The following SYNE2 variants were observed in gnomAD, a reference collection of about 807,000 sequenced individuals.
The protein encoded by SYNE2 is spectrin repeat containing nuclear envelope protein 2.
In SYNE2, 431 loss-of-function variants were observed where a neutral mutation model predicts 856.3. The ratio of observed to expected loss-of-function variants is 0.50; its 90% CI spans 0.47 to 0.55. The LOEUF (loss-of-function observed/expected upper bound fraction) is 0.55. Among genes scored for constraint, SYNE2 ranks in the 20% least tolerant of loss-of-function variants. SYNE2 has a pLI of 0.00. For synonymous variants in SYNE2, 2,923 were observed against 2,872.3 expected, an observed-to-expected ratio of 1.02 and a Z score of -0.56; for missense variants, 8,129 against 8,023.2, an observed-to-expected ratio of 1.01 and a Z score of -0.50.
chr14:63,940,469 T>A (rs1400121016), intron 2 of SYNE2, 145 bp from the exon 3 acceptor site: 1 of 740,748 alleles, frequency 1.3e-6, no homozygotes, highest in African/African-American at 1.8e-5. Context: ...TGGACAAACA[T>A]CTACAGTTTA....
At chr14:64,086,749 A>C in intron 57 of SYNE2, among the ~76,000 whole-genome samples, 1 of 112,072 alleles carries the variant, frequency 8.9e-6, no homozygotes, top group African/African-American at 3.5e-5. Context: ...TTGCTCTGTC[A>C]CCCAGGCTGG....
intron 48 of SYNE2, among the ~76,000 whole-genome samples, chr14:64,053,964 G>C (rs1021099969): frequency 6.6e-6 from 1 of 152,096 alleles, no homozygotes; most frequent in Non-Finnish European, 1.5e-5. Flanking sequence ...GTGAGACTCT[G>C]TCTCAAAAAA....
At chr14:64,022,455 G>A (rs1220640839) in intron 37 of SYNE2, among the ~76,000 whole-genome samples, 4 of 152,070 alleles carry the variant, frequency 2.6e-5, no homozygotes, top group East Asian at 1.9e-4. Context: ...TAGGGAGGCC[G>A]GGCGCGGTAG....
At chr14:64,077,005 A>G (rs901271076) in intron 54 of SYNE2, among the ~76,000 whole-genome samples, 7 of 152,178 alleles carry the variant, frequency 4.6e-5, no homozygotes, top group African/African-American at 1.7e-4. Flanking sequence ...GGAAAATACT[A>G]AATATTTTGA....
rs777388448 is a variant in SYNE2, at chr14:64,021,523, C to T, written c.5352+8C>T. Reference sequence around the variant, plus strand: ...ATCTTCACTAAACTAGAGGTGCTACCGAGCTGCTTGTCTTCTGTGGTTCAG... The same window carrying T: ...ATCTTCACTAAACTAGAGGTGCTACTGAGCTGCTTGTCTTCTGTGGTTCAG... On this transcript the variant is annotated splice_region_variant and intron_variant, in intron 36 of 115. Coordinates refer to ENST00000555002, the MANE Select transcript of SYNE2 (RefSeq NM_182914.3). 5.0e-6 allele frequency: 8 copies of T among 1,613,724 alleles called. No individual in the cohort carries two copies. The highest frequency in any genetic ancestry group is 1.1e-5 in the South Asian group (1 of 91,052).
At chr14:63,874,744 T>C (rs1200823866) in intron 1 of SYNE2, among the ~76,000 whole-genome samples, 1 of 152,186 alleles carries the variant, frequency 6.6e-6, no homozygotes, top group African/African-American at 2.4e-5. Flanking sequence ...GATTTAGCAA[T>C]GTTTAAAAGT....
In SYNE2 at chr14:64,127,537, G is replaced by C. The variant is rs191067738; in HGVS notation, c.13917+730G>C. Among the ~76,000 whole-genome samples, 33 of 152,242 alleles carry C rather than the reference G, an allele frequency of 2.2e-4. 1 individual carries two copies. The highest frequency in any genetic ancestry group is 1.7e-3 in the Admixed American group (26 of 15,290). The stretch of plus-strand genomic sequence containing the variant: ...CATTTAACAATTAAAATGGTGGGGC[G>C]GGGGAGGCATTTGTTTTTGTTTTTC... On this transcript the variant is annotated intron_variant, in intron 73 of 115. Coordinates refer to ENST00000555002, the MANE Select transcript of SYNE2 (RefSeq NM_182914.3).
chr14:64,196,093 A>G (rs1382685148), intron 99 of SYNE2, among the ~76,000 whole-genome samples: 1 of 152,250 alleles, frequency 6.6e-6, no homozygotes, highest in African/African-American at 2.4e-5. Context: ...AGCAGGTTGC[A>G]GGAACAGCCA....
intron 21 of SYNE2, 68 bp downstream of exon 21, chr14:63,991,183 A>ATG: frequency 6.7e-7 from 1 of 1,481,932 alleles, no homozygotes; most frequent in Non-Finnish European, 9.4e-7. Flanking sequence ...TGAAATCAAG[A>ATG]TGTTTCCTTC....
intron 11 of SYNE2, among the ~76,000 whole-genome samples, chr14:63,975,986 A>G (rs1021699579): frequency 4.6e-5 from 7 of 152,198 alleles, no homozygotes; most frequent in African/African-American, 1.7e-4. Flanking sequence ...TGGAGAAGCA[A>G]GCAGTCAGAG....
At chr14:64,020,756 T>C (rs1419562140) in intron 35 of SYNE2, among the ~76,000 whole-genome samples, 1 of 152,326 alleles carries the variant, frequency 6.6e-6, no homozygotes, top group African/African-American at 2.4e-5. Context: ...TGGTTTTCTG[T>C]TGTGTGAAGA....
At chr14:63,970,784 C>T (rs898476205) in intron 11 of SYNE2, among the ~76,000 whole-genome samples, 2 of 150,640 alleles carry the variant, frequency 1.3e-5, no homozygotes, top group African/African-American at 4.9e-5. Flanking sequence ...TACCGAGTAG[C>T]TGGGATTATA....
chr14:64,094,073 C>T (rs2097654882), intron 61 of SYNE2, among the ~76,000 whole-genome samples: 2 of 151,970 alleles, frequency 1.3e-5, no homozygotes, highest in South Asian at 2.1e-4. Context: ...TGGCTCACGC[C>T]TGTAATCCCA....
intron 1 of SYNE2, among the ~76,000 whole-genome samples, chr14:63,828,359 G>T (rs1284091623): frequency 1.3e-5 from 2 of 152,176 alleles, no homozygotes; most frequent in Non-Finnish European, 2.9e-5. Context: ...TATGGGATGG[G>T]CCTGGTGAGG....
rs188625837 is a variant in SYNE2, at chr14:63,990,216, A to T, written c.2314-195A>T. ...GTGCTTACTGTATAAAGAATGATCC[A>T]TAAAACATGTTCAGAATCTGATTGT... On this transcript the variant is annotated intron_variant, in intron 19 of 115. Coordinates refer to ENST00000555002, the MANE Select transcript of SYNE2 (RefSeq NM_182914.3). 1.7e-3 allele frequency among the ~76,000 whole-genome samples: 263 copies of T among 152,316 alleles called. 1 individual carries two copies. Among genetic ancestry groups the T allele is most frequent in the African/African-American group, 5.8e-3 (242 of 41,570 alleles).
chr14:64,015,425 GT>G (rs2096885189), intron 32 of SYNE2, among the ~76,000 whole-genome samples: 1 of 151,952 alleles, frequency 6.6e-6, no homozygotes, highest in African/African-American at 2.4e-5. Context: ...TTGCAGTAGT[GT>G]TTTTCAAAGT....
intron 110 of SYNE2, 121 bp downstream of exon 110, chr14:64,219,531 G>A (rs1180125689): frequency 1.0e-6 from 1 of 956,950 alleles, no homozygotes; most frequent in Non-Finnish European, 1.6e-6. Flanking sequence ...GGTGTATGTA[G>A]AGGTCACTCT....
chr14:64,159,445 A>G lies in SYNE2; in HGVS notation c.16094+3A>G. 1 of 1,613,316 alleles carries G rather than the reference A, an allele frequency of 6.2e-7. No homozygotes were observed. The highest frequency in any genetic ancestry group is 8.5e-7 in the Non-Finnish European group (1 of 1,179,582). Reference sequence around the variant, plus strand: ...AAATGCCAAAATACTCATAAAAGGTATGCTTTCAGATATAATTTGAATGAT... The same window carrying G: ...AAATGCCAAAATACTCATAAAAGGTGTGCTTTCAGATATAATTTGAATGAT... On this transcript the variant is annotated splice_donor_region_variant and intron_variant, in intron 87 of 115. Coordinates refer to ENST00000555002, the MANE Select transcript of SYNE2 (RefSeq NM_182914.3).
chr14:63,930,914 C>T (rs558722722), intron 2 of SYNE2, among the ~76,000 whole-genome samples: 44 of 152,214 alleles, frequency 2.9e-4, no homozygotes, highest in African/African-American at 8.9e-4. Context: ...GGAGGGGATC[C>T]GGGGAACCCC....
Sources: gnomAD v4.1 joint callset for allele counts (sites outside exome capture counted in the v4.1 genomes callset) on GRCh38, gnomAD v4.1.1 for gene constraint, MANE v1.5 for transcripts, NCBI Gene and HGNC (gene_info 2026-07-23, HGNC 2026-07-21) for gene names.